ATP8A1: variants seen among roughly 807,000 people sequenced by gnomAD.
ATP8A1 encodes the protein ATPase phospholipid transporting 8A1.
In ATP8A1, 90 loss-of-function variants were observed where a neutral mutation model predicts 177.7. The observed-to-expected ratio is 0.51, with a 90% CI of 0.43 to 0.60. ATP8A1 has a LOEUF of 0.60. ATP8A1 is among the 20% of genes least tolerant of loss of function. The pLI, the probability that ATP8A1 is intolerant of heterozygous loss-of-function variation, is 0.00. For synonymous variants in ATP8A1, 493 were observed against 485.9 expected, an observed-to-expected ratio of 1.01 and a Z score of -0.19; for missense variants, 1,072 against 1,392.8, an observed-to-expected ratio of 0.77 and a Z score of 3.67.
chr4:42,596,124 C>A (rs1734691964), intron 6 of ATP8A1, among the ~76,000 whole-genome samples: 1 of 152,158 alleles, frequency 6.6e-6, no homozygotes, highest in Non-Finnish European at 1.5e-5. Context: ...ACGGCATTCC[C>A]CTTCCAGCCT....
At chr4:42,427,486 G>A (rs1365522033) in intron 33 of ATP8A1, among the ~76,000 whole-genome samples, 1 of 152,226 alleles carries the variant, frequency 6.6e-6, no homozygotes, top group African/African-American at 2.4e-5. Context: ...TCAGTTTGGT[G>A]GAGTGAGAGG....
chr4:42,434,380 A>C (rs562384297), intron 33 of ATP8A1, among the ~76,000 whole-genome samples: 54 of 152,336 alleles, frequency 3.5e-4, no homozygotes, highest in African/African-American at 1.2e-3. Context: ...ATAAAGCATC[A>C]GTTGTTTGAT....
chr4:42,426,096 T>A (rs1714582248), intron 33 of ATP8A1, among the ~76,000 whole-genome samples: 1 of 152,202 alleles, frequency 6.6e-6, no homozygotes, highest in African/African-American at 2.4e-5. Context: ...CTATGTGAAC[T>A]TTCAGGGAAC....
intron 5 of ATP8A1, among the ~76,000 whole-genome samples, chr4:42,602,077 T>C (rs1735336582): frequency 1.3e-5 from 2 of 152,092 alleles, no homozygotes; most frequent in South Asian, 4.1e-4. Flanking sequence ...AATGAATACC[T>C]CACAGTGCAT....
At chr4:42,500,537 C>T (rs920111068) in intron 24 of ATP8A1, among the ~76,000 whole-genome samples, 1 of 152,032 alleles carries the variant, frequency 6.6e-6, no homozygotes, top group Admixed American at 6.6e-5. Context: ...TTTTGATCAA[C>T]TTTACATGAT....
intron 13 of ATP8A1, 85 bp downstream of exon 13, chr4:42,575,537 T>G: frequency 9.8e-7 from 1 of 1,022,912 alleles, no homozygotes; most frequent in Non-Finnish European, 1.5e-6. Context: ...AGCTGTCCAT[T>G]CATCTGCAGT....
In ATP8A1 at chr4:42,495,375, A is replaced by G. The variant is rs575438968; in HGVS notation, c.2151+8075T>C. Among the ~76,000 whole-genome samples the G allele has an allele frequency of 7.9e-5, 12 of 152,352 alleles. No homozygotes were observed. In the South Asian group the frequency reaches 1.4e-3, roughly 18 times the overall value. ...CTTTTCTACAATGTGTTATTGATTC[A>G]GTGGAACACTGGGCATTCCATATAC... On this transcript the variant is annotated intron_variant, in intron 24 of 36. Coordinates refer to ENST00000381668, the MANE Select transcript of ATP8A1 (RefSeq NM_006095.2).
In ATP8A1 at chr4:42,543,961, C is replaced by T; in HGVS notation, c.1678G>A (p.Val560Ile). 6.2e-7 allele frequency: 1 copy of T among 1,613,238 alleles called. No individual in the cohort carries two copies. Among genetic ancestry groups the T allele is most frequent in the Non-Finnish European group, 8.5e-7 (1 of 1,179,642 alleles). ...TSARKRMSVI[V>I]RTPSGKLRLY... is the part of the protein sequence containing the mutation. ...CGTAACTTTCCAGATGGAGTGCGAA[C>T]AATCACTGACATTCTTTTCCTAGCA... The change falls in exon 20 of 37, where the codon GTT becomes ATT. Residue 560 changes from valine (V) to isoleucine (I), a missense_variant. Physicochemically the swap from Val to Ile is conservative, Grantham distance 29 (BLOSUM62 3). This residue lies in a region of ATP8A1 where 388 missense variants were observed against 471.7 expected (regional missense o/e 0.82). Transcript: ENST00000381668.
rs113747755 is a variant in ATP8A1, at chr4:42,433,632, CCAAACAAACAAACAAA to C, written c.3123+9917_3124-9928del. On this transcript the variant is annotated intron_variant, in intron 33 of 36. Transcript: ENST00000381668. ...AAGAAAACTCTTGGCTTGGGTTATCCCAAACAAACAAACAAACAAACAAACAAACACAAATCTTAGA... is the reference window on the plus strand; with the variant it reads ...AAGAAAACTCTTGGCTTGGGTTATCCCAAACAAACAAACACAAATCTTAGA... Among the ~76,000 whole-genome samples, 25 of 151,760 alleles carry C rather than the reference CCAAACAAACAAACAAA, an allele frequency of 1.6e-4. No homozygotes were observed. In the East Asian group the frequency reaches 1.7e-3, roughly 11 times the overall value.
intron 4 of ATP8A1, among the ~76,000 whole-genome samples, chr4:42,621,741 T>C (rs1482368691): frequency 2.0e-5 from 3 of 152,212 alleles, no homozygotes; most frequent in Non-Finnish European, 2.9e-5. Context: ...AAAATTCATA[T>C]GGAACCAAAA....
In ATP8A1 at chr4:42,597,844, T is replaced by C. The variant is rs764290929; in HGVS notation, c.450+2634A>G. Among the ~76,000 whole-genome samples the C allele has an allele frequency of 5.8e-4, 89 of 152,246 alleles. 1 individual carries two copies. The highest frequency in any genetic ancestry group is 3.8e-4 in the Non-Finnish European group (26 of 67,970). ...ATATTTCATAAAAATAAATCTGAAA[T>C]GTTTGTTTTTATTTATTGAATAGGT... On this transcript the variant is annotated intron_variant, in intron 6 of 36. Coordinates refer to ENST00000381668, the MANE Select transcript of ATP8A1 (RefSeq NM_006095.2).
chr4:42,605,477 T>C (rs1577686931), intron 5 of ATP8A1, among the ~76,000 whole-genome samples: 1 of 152,178 alleles, frequency 6.6e-6, no homozygotes, highest in Non-Finnish European at 1.5e-5. Context: ...ATTTAACACA[T>C]GGGAAGTGTC....
chr4:42,636,409 G>C (rs1577751880), intron 1 of ATP8A1, among the ~76,000 whole-genome samples: 2 of 27,660 alleles, frequency 7.2e-5, no homozygotes, highest in South Asian at 2.2e-3. Context: ...GGTAGGGGGA[G>C]AGAGAGAGAG....
chr4:42,465,140 G>A, intron 25 of ATP8A1, 64 bp from the exon 26 acceptor site: 1 of 1,417,152 alleles, frequency 7.1e-7, no homozygotes, highest in South Asian at 1.3e-5. Context: ...ATGCCATCGT[G>A]TTGAAGGATA....
chr4:42,509,420 C>T (rs1197542471), intron 22 of ATP8A1, among the ~76,000 whole-genome samples: 1 of 152,210 alleles, frequency 6.6e-6, no homozygotes, highest in East Asian at 1.9e-4. Flanking sequence ...ACAGTCCCCG[C>T]TATAGCGGCC....
At chr4:42,633,223 C>T (rs1157219037) in intron 1 of ATP8A1, among the ~76,000 whole-genome samples, 4 of 152,200 alleles carry the variant, frequency 2.6e-5, no homozygotes, top group Non-Finnish European at 2.9e-5. Context: ...CTGAGAATGA[C>T]GACACAGAGT....
intron 25 of ATP8A1, among the ~76,000 whole-genome samples, chr4:42,480,348 C>T (rs1396238558): frequency 6.6e-6 from 1 of 152,082 alleles, no homozygotes; most frequent in Non-Finnish European, 1.5e-5. Context: ...TTCAGTGTGT[C>T]CTCTTTTAGC....
At chr4:42,534,768 C>T (rs1727610138) in intron 20 of ATP8A1, among the ~76,000 whole-genome samples, 2 of 152,156 alleles carry the variant, frequency 1.3e-5, no homozygotes, top group African/African-American at 2.4e-5. Flanking sequence ...GCAAAAACAT[C>T]AGGTAACCTA....
chr4:42,505,227 A>G (rs1724250438), intron 23 of ATP8A1, among the ~76,000 whole-genome samples: 1 of 152,186 alleles, frequency 6.6e-6, no homozygotes, highest in African/African-American at 2.4e-5. Flanking sequence ...AGTACCTGGC[A>G]CTGTATATAC....
Sources: allele counts gnomAD v4.1 joint callset (sites outside exome capture counted in the v4.1 genomes callset), GRCh38; gene constraint gnomAD v4.1.1; regional missense constraint gnomAD v4.1.1; transcripts MANE v1.5; gene names NCBI Gene and HGNC (gene_info 2026-07-23, HGNC 2026-07-21).